The following KCNIP4 variants were observed in gnomAD, a reference collection of about 807,000 sequenced individuals.
KCNIP4 encodes the protein Kv channel-interacting protein 4.
KCNIP4 carries 12 observed loss-of-function variants against 34.0 expected under a neutral mutation model. The ratio of observed to expected loss-of-function variants is 0.35; its 90% CI spans 0.23 to 0.57. KCNIP4 has a LOEUF of 0.57. Ranked by LOEUF, KCNIP4 falls within the 20% of genes least tolerant of loss-of-function variation. KCNIP4 has a pLI of 0.83. For synonymous variants in KCNIP4, 124 were observed against 102.2 expected, an observed-to-expected ratio of 1.21 and a Z score of -1.29; for missense variants, 238 against 311.7, an observed-to-expected ratio of 0.76 and a Z score of 1.78.
intron 1 of KCNIP4, among the ~76,000 whole-genome samples, chr4:21,196,573 A>G (rs1202499054): frequency 6.6e-6 from 1 of 152,212 alleles, no homozygotes; most frequent in Admixed American, 6.5e-5. Flanking sequence ...TGCAACCTGT[A>G]TAACACACAG....
At chr4:21,028,846 A>G (rs1740765717) in intron 1 of KCNIP4, among the ~76,000 whole-genome samples, 1 of 152,192 alleles carries the variant, frequency 6.6e-6, no homozygotes, top group Admixed American at 6.5e-5. Context: ...ATTCTATATG[A>G]TGGATGCAAG....
chr4:21,006,070 G>A (rs1738531297), intron 1 of KCNIP4, among the ~76,000 whole-genome samples: 1 of 152,118 alleles, frequency 6.6e-6, no homozygotes, highest in Non-Finnish European at 1.5e-5. Flanking sequence ...ATCTCAACAA[G>A]GTACACAAAC....
chr4:21,791,079 G>C (rs1720253906), intron 1 of KCNIP4, among the ~76,000 whole-genome samples: 1 of 151,516 alleles, frequency 6.6e-6, no homozygotes, highest in East Asian at 1.9e-4. Context: ...GACTACTCTA[G>C]GCTGGGCAGT....
chr4:21,655,579 A>T (rs1300800823), intron 1 of KCNIP4, among the ~76,000 whole-genome samples: 1 of 152,180 alleles, frequency 6.6e-6, no homozygotes, highest in Non-Finnish European at 1.5e-5. Context: ...ATCTCCTTTC[A>T]TTGGGGAAGT....
intron 1 of KCNIP4, among the ~76,000 whole-genome samples, chr4:21,549,636 C>T (rs1307868351): frequency 6.6e-6 from 1 of 151,992 alleles, no homozygotes; most frequent in Non-Finnish European, 1.5e-5. Context: ...ATAAATTACC[C>T]AGCCCCAGCA....
At chr4:21,758,894 C>T (rs1717852326) in intron 1 of KCNIP4, among the ~76,000 whole-genome samples, 2 of 151,998 alleles carry the variant, frequency 1.3e-5, no homozygotes, top group African/African-American at 4.8e-5. Context: ...TTCTCTGAGC[C>T]TCAGTGTACT....
chr4:21,175,946 A>T (rs79066090), intron 1 of KCNIP4, among the ~76,000 whole-genome samples: 3,396 of 151,494 alleles, frequency 0.022, 141 homozygotes, highest in African/African-American at 0.078. Context: ...AGAGTTTAAA[A>T]CTCCCATTTG....
intron 1 of KCNIP4, among the ~76,000 whole-genome samples, chr4:21,470,792 C>T (rs933620074): frequency 2.6e-5 from 4 of 151,538 alleles, no homozygotes; most frequent in Non-Finnish European, 1.5e-5. Flanking sequence ...GGCCAAACGC[C>T]CAATTCAAGG....
At chr4:21,707,672 T>C (rs1336548458) in intron 1 of KCNIP4, among the ~76,000 whole-genome samples, 1 of 151,996 alleles carries the variant, frequency 6.6e-6, no homozygotes, top group Non-Finnish European at 1.5e-5. Flanking sequence ...GACAGATGTT[T>C]ACATCATACT....
rs1254574500 is a variant in KCNIP4, at chr4:20,882,653, G to T, written c.118C>A (p.Leu40Ile). The T allele has an allele frequency of 6.2e-7, 1 of 1,613,584 alleles. No individual in the cohort carries two copies. Among genetic ancestry groups the T allele is most frequent in the African/African-American group, 1.3e-5 (1 of 74,862 alleles). The change falls in exon 2 of 9, where the codon CTC (leucine) becomes ATC (isoleucine). Residue 40 changes from leucine (L) to isoleucine (I), a missense_variant. By Grantham distance (5) the Leu-to-Ile change is conservative (BLOSUM62 2). Coordinates refer to ENST00000382152, the MANE Select transcript of KCNIP4 (RefSeq NM_025221.6). Reference sequence around the variant, plus strand: ...GTTTTGGCAGCTGAGCAGGGCAAGAGCTTCATGAGCCGCTCTTTAATGCTG... The same window carrying T: ...GTTTTGGCAGCTGAGCAGGGCAAGATCTTCATGAGCCGCTCTTTAATGCTG... The part of the protein sequence containing the change: ...KRSIKERLMK[L>I]LPCSAAKTSS...
intron 1 of KCNIP4, among the ~76,000 whole-genome samples, chr4:21,305,415 A>G (rs1302813896): frequency 1.3e-5 from 2 of 152,218 alleles, no homozygotes. Context: ...TGAGGGAATT[A>G]ATGAGTGACA....
At chr4:21,496,890 C>G (rs142375221) in intron 1 of KCNIP4, among the ~76,000 whole-genome samples, 3 of 152,196 alleles carry the variant, frequency 2.0e-5, no homozygotes, top group African/African-American at 7.2e-5. Flanking sequence ...AAACCATCCC[C>G]GCCCTGCTCT....
In KCNIP4 at chr4:21,393,853, TTAG is replaced by T. The variant is rs141203101; in HGVS notation, c.62-511147_62-511145del. ...CATTTAGGTAAACTTAAAAGACACC[TTAG>T]TAGAGTGTTGATAAACACTCCAATA... On this transcript the variant is annotated intron_variant, in intron 1 of 8. Transcript: ENST00000382152. Among the ~76,000 whole-genome samples, 1,291 of 152,188 alleles carry T rather than the reference TTAG, an allele frequency of 8.5e-3. 18 individuals carry two copies. The highest frequency in any genetic ancestry group is 0.03 in the African/African-American group (1,241 of 41,480).
intron 1 of KCNIP4, among the ~76,000 whole-genome samples, chr4:21,894,357 A>G (rs1681766569): frequency 6.6e-6 from 1 of 152,030 alleles, no homozygotes; most frequent in Admixed American, 6.6e-5. Flanking sequence ...AAATAAATAA[A>G]TAAAACAACG....
intron 1 of KCNIP4, among the ~76,000 whole-genome samples, chr4:21,787,187 A>G (rs1719967946): frequency 6.6e-6 from 1 of 152,242 alleles, no homozygotes; most frequent in Admixed American, 6.5e-5. Context: ...CCTTCAGGCT[A>G]TGTGTACATG....
intron 1 of KCNIP4, among the ~76,000 whole-genome samples, chr4:21,053,812 C>T (rs532747809): frequency 2.8e-4 from 43 of 152,156 alleles, no homozygotes; most frequent in African/African-American, 1.0e-3. Flanking sequence ...AAAATATGTA[C>T]AAGATCTATA....
intron 1 of KCNIP4, among the ~76,000 whole-genome samples, chr4:20,976,361 G>C (rs1188968335): frequency 6.6e-6 from 1 of 152,158 alleles, no homozygotes; most frequent in African/African-American, 2.4e-5. Flanking sequence ...CTGGAACATG[G>C]CAACTGTTGT....
chr4:21,548,398 T>C (rs1738306307), intron 1 of KCNIP4, among the ~76,000 whole-genome samples: 1 of 152,128 alleles, frequency 6.6e-6, no homozygotes, highest in South Asian at 2.1e-4. Flanking sequence ...ACCACTGGGA[T>C]GGGAAGAACA....
At chr4:21,203,749 CTA>C (rs1404886486) in intron 1 of KCNIP4, among the ~76,000 whole-genome samples, 2 of 152,202 alleles carry the variant, frequency 1.3e-5, no homozygotes, top group African/African-American at 4.8e-5. Flanking sequence ...AACTTCCTAT[CTA>C]TGTCTTATGA....
Sources: gnomAD v4.1 joint callset for allele counts (sites outside exome capture counted in the v4.1 genomes callset) on GRCh38, gnomAD v4.1.1 for gene constraint, MANE v1.5 for transcripts, NCBI Gene and HGNC (gene_info 2026-07-23, HGNC 2026-07-21) for gene names.